RYR2: variants seen among roughly 807,000 people sequenced by gnomAD.
RYR2 encodes ryanodine receptor 2, also known as cardiac muscle ryanodine receptor-calcium release channel.
A neutral mutation model predicts 601.1 loss-of-function variants in RYR2; 227 were observed. The ratio of observed to expected loss-of-function variants is 0.38; its 90% CI spans 0.34 to 0.42. The LOEUF (loss-of-function observed/expected upper bound fraction) is 0.42. RYR2 is among the 10% of genes least tolerant of loss of function. The pLI is 1.00. For synonymous variants in RYR2, 2,223 were observed against 2,175.1 expected, an observed-to-expected ratio of 1.02 and a Z score of -0.61; for missense variants, 4,646 against 6,156.5, an observed-to-expected ratio of 0.75 and a Z score of 8.21.
At chr1:237,093,145 C>G (rs1235033739) in intron 1 of RYR2, among the ~76,000 whole-genome samples, 1 of 152,116 alleles carries the variant, frequency 6.6e-6, no homozygotes, top group Non-Finnish European at 1.5e-5. Flanking sequence ...TTTTAATTAA[C>G]CCAAATTTAA....
At chr1:237,574,238 G>A (rs1672999817) in intron 29 of RYR2, among the ~76,000 whole-genome samples, 1 of 152,188 alleles carries the variant, frequency 6.6e-6, no homozygotes, top group African/African-American at 2.4e-5. Context: ...AGGGGCATGT[G>A]TGGAAGCAGT....
At chr1:237,803,270 TA>T (rs1363292257) in intron 98 of RYR2, among the ~76,000 whole-genome samples, 1 of 152,044 alleles carries the variant, frequency 6.6e-6, no homozygotes, top group Admixed American at 6.6e-5. Context: ...TTACTCATCT[TA>T]TGCCCATAAA....
At chr1:237,159,229 T>C (rs1477556876) in intron 1 of RYR2, among the ~76,000 whole-genome samples, 2 of 151,828 alleles carry the variant, frequency 1.3e-5, no homozygotes, top group Non-Finnish European at 2.9e-5. Flanking sequence ...AGGCAGAGGT[T>C]CCAGTGAGCC....
chr1:237,624,721 G>T (rs780406135), intron 39 of RYR2, among the ~76,000 whole-genome samples: 1 of 152,112 alleles, frequency 6.6e-6, no homozygotes, highest in Non-Finnish European at 1.5e-5. Flanking sequence ...TTTAAAAATG[G>T]AATTGATTAG....
intron 1 of RYR2, among the ~76,000 whole-genome samples, chr1:237,123,726 G>A (rs1395448488): frequency 7.1e-6 from 1 of 140,432 alleles, no homozygotes; most frequent in African/African-American, 2.6e-5. Context: ...GGACTGCAGT[G>A]GTGCAATCTC....
intron 1 of RYR2, among the ~76,000 whole-genome samples, chr1:237,092,044 G>A (rs189571898): frequency 2.0e-5 from 3 of 152,200 alleles, no homozygotes; most frequent in Admixed American, 1.3e-4. Flanking sequence ...AGCTCTCTCT[G>A]GTCTTGATTT....
chr1:237,236,692 GA>G (rs1480223547), intron 1 of RYR2, among the ~76,000 whole-genome samples: 4 of 152,162 alleles, frequency 2.6e-5, no homozygotes, highest in African/African-American at 9.7e-5. Flanking sequence ...GTCAGCAAGA[GA>G]AAAAGAACTT....
At chr1:237,487,771 G>T (rs374945776) in intron 17 of RYR2, among the ~76,000 whole-genome samples, 1 of 150,664 alleles carries the variant, frequency 6.6e-6, no homozygotes, top group East Asian at 2.0e-4. Context: ...TTATTCTTGA[G>T]GTATTGGCCA....
intron 1 of RYR2, among the ~76,000 whole-genome samples, chr1:237,081,251 G>T (rs1027576916): frequency 8.6e-6 from 1 of 116,290 alleles, no homozygotes; most frequent in African/African-American, 3.3e-5. Flanking sequence ...TGCACAATGT[G>T]CACATGTACC....
intron 92 of RYR2, among the ~76,000 whole-genome samples, chr1:237,788,925 CT>C (rs1266370495): frequency 3.3e-5 from 5 of 151,814 alleles, no homozygotes; most frequent in Admixed American, 2.6e-4. Context: ...GTCTCCTATC[CT>C]TTTCCTCCAT....
At position 237,096,734 on chromosome 1, in the gene RYR2, C is replaced by A. The variant is rs192470446; in HGVS notation, c.48+54165C>A. ...GGCTGCTCAGATTTTACCACTTGGA[C>A]AAGAGATGAAAGTTCCAGAAGAGTA... is the stretch of plus-strand genomic sequence containing the variant. On this transcript the variant is annotated intron_variant, in intron 1 of 104. Transcript: ENST00000366574. 1.7e-3 allele frequency among the ~76,000 whole-genome samples: 264 copies of A among 152,266 alleles called. 4 individuals carry two copies. Among genetic ancestry groups the A allele is most frequent in the African/African-American group, 6.2e-3 (257 of 41,556 alleles).
chr1:237,724,171 G>A (rs1689991928), intron 74 of RYR2, among the ~76,000 whole-genome samples: 1 of 113,614 alleles, frequency 8.8e-6, no homozygotes, highest in Non-Finnish European at 1.7e-5. Context: ...CCACCTAAAT[G>A]TATGTGTGTG....
intron 17 of RYR2, among the ~76,000 whole-genome samples, chr1:237,488,540 A>C (rs900941930): frequency 6.6e-6 from 1 of 152,174 alleles, no homozygotes; most frequent in African/African-American, 2.4e-5. Flanking sequence ...TTGAGCCCAA[A>C]GGCTGGATGT....
intron 84 of RYR2, among the ~76,000 whole-genome samples, chr1:237,769,685 T>A (rs1318627801): frequency 6.6e-6 from 1 of 152,140 alleles, no homozygotes; most frequent in Non-Finnish European, 1.5e-5. Flanking sequence ...CATACGATCA[T>A]TGCCTCATTT....
chr1:237,789,307 A>G (rs1004774400), intron 92 of RYR2, among the ~76,000 whole-genome samples: 15 of 152,176 alleles, frequency 9.9e-5, no homozygotes, highest in African/African-American at 3.6e-4. Context: ...CTCAGTAATT[A>G]TATATTCTAA....
intron 81 of RYR2, 140 bp from the exon 82 acceptor site, chr1:237,757,557 A>G (rs1475351488): frequency 3.8e-6 from 2 of 525,972 alleles, no homozygotes; most frequent in East Asian, 2.9e-5. Context: ...TTTTTGGAAC[A>G]TAAGTCAGTC....
intron 34 of RYR2, among the ~76,000 whole-genome samples, chr1:237,599,539 G>A (rs905811929): frequency 3.9e-5 from 6 of 152,006 alleles, no homozygotes; most frequent in African/African-American, 1.5e-4. Flanking sequence ...ATCAGTTATC[G>A]GCTGGGCGCA....
At position 237,772,108 on chromosome 1, in the gene RYR2, G is replaced by A. The variant is rs1249436717; in HGVS notation, c.11646+8G>A. The stretch of plus-strand genomic sequence containing the variant: ...TACCTACTGAGAGTTCAGGTATGTT[G>A]CTTTCCATATTAGTAACAAATTAAA... On this transcript the variant is annotated splice_region_variant and intron_variant, in intron 86 of 104. Coordinates refer to ENST00000366574, the MANE Select transcript of RYR2 (RefSeq NM_001035.3). 11 of 1,411,066 alleles carry A rather than the reference G, an allele frequency of 7.8e-6. No individual in the cohort carries two copies. Among genetic ancestry groups the A allele is most frequent in the Non-Finnish European group, 1.1e-5 (11 of 1,018,056 alleles). 87.4% of individuals were successfully genotyped at this position (1,411,066 alleles called of 1,614,324 possible).
At chr1:237,103,444 C>T (rs1668338494) in intron 1 of RYR2, among the ~76,000 whole-genome samples, 1 of 152,204 alleles carries the variant, frequency 6.6e-6, no homozygotes, top group Admixed American at 6.5e-5. Flanking sequence ...GAACAGGGGA[C>T]AGGTTAGGGC....
Sources: gnomAD v4.1 joint callset for allele counts (sites outside exome capture counted in the v4.1 genomes callset) on GRCh38, gnomAD v4.1.1 for gene constraint, MANE v1.5 for transcripts, NCBI Gene and HGNC (gene_info 2026-07-23, HGNC 2026-07-21) for gene names.